SMAP1: variants seen among roughly 807,000 people sequenced by gnomAD.
SMAP1 encodes the protein small ArfGAP 1, also known as stromal membrane-associated protein 1.
In SMAP1, 24 loss-of-function variants were observed where a neutral mutation model predicts 58.5. The observed-to-expected ratio is 0.41, with a 90% CI of 0.30 to 0.58. The LOEUF is 0.58. Ranked by LOEUF, SMAP1 falls within the 20% of genes least tolerant of loss-of-function variation. SMAP1 has a pLI of 0.29. For synonymous variants in SMAP1, 216 were observed against 196.6 expected (o/e 1.10, Z -0.82); for missense variants, 563 against 566.3 (o/e 0.99, Z 0.06).
At chr6:70,726,850 A>G (rs1768807598) in intron 1 of SMAP1, among the ~76,000 whole-genome samples, 1 of 150,518 alleles carries the variant, frequency 6.6e-6, no homozygotes, top group African/African-American at 2.4e-5. Flanking sequence ...GTTAGTAGTC[A>G]TGTAATATTA....
chr6:70,752,468 G>C (rs1766319402), intron 2 of SMAP1, among the ~76,000 whole-genome samples: 1 of 152,150 alleles, frequency 6.6e-6, no homozygotes, highest in African/African-American at 2.4e-5. Flanking sequence ...CCTGTCTCAT[G>C]GTTGTTTTGA....
chr6:70,788,373 C>T (rs545718858), intron 4 of SMAP1, among the ~76,000 whole-genome samples: 22 of 151,238 alleles, frequency 1.5e-4, no homozygotes, highest in African/African-American at 5.3e-4. Flanking sequence ...ATGGGTGCAG[C>T]ACACCAACAT....
chr6:70,803,658 T>C (rs1003631819), intron 6 of SMAP1, among the ~76,000 whole-genome samples: 1 of 152,254 alleles, frequency 6.6e-6, no homozygotes, highest in African/African-American at 2.4e-5. Context: ...CTCTACACAC[T>C]GCTTTAAATG....
intron 1 of SMAP1, among the ~76,000 whole-genome samples, chr6:70,674,164 G>C (rs759145321): frequency 6.6e-6 from 1 of 150,828 alleles, no homozygotes; most frequent in South Asian, 2.1e-4. Context: ...CTCTGTCGCT[G>C]GGCTGGAGTG....
chr6:70,707,502 A>G (rs550427495), intron 1 of SMAP1, among the ~76,000 whole-genome samples: 1 of 152,340 alleles, frequency 6.6e-6, no homozygotes, highest in East Asian at 1.9e-4. Flanking sequence ...AGAAAACTAA[A>G]CACATATTTT....
intron 1 of SMAP1, among the ~76,000 whole-genome samples, chr6:70,725,496 A>G (rs1327515612): frequency 6.6e-6 from 1 of 152,002 alleles, no homozygotes; most frequent in African/African-American, 2.4e-5. Flanking sequence ...GTGAAGGGCT[A>G]GTCAGTGCTC....
At chr6:70,692,928 T>C (rs1279682059) in intron 1 of SMAP1, among the ~76,000 whole-genome samples, 1 of 151,984 alleles carries the variant, frequency 6.6e-6, no homozygotes, top group Non-Finnish European at 1.5e-5. Flanking sequence ...GGACTACAGG[T>C]GCCCACTACC....
intron 6 of SMAP1, among the ~76,000 whole-genome samples, chr6:70,821,351 T>A (rs2149981862): frequency 6.6e-6 from 1 of 152,288 alleles, no homozygotes; most frequent in East Asian, 1.9e-4. Flanking sequence ...TTTTTTTTAT[T>A]CTGCTGTTAG....
chr6:70,843,754 AGCTTC>A (rs1562198693), intron 7 of SMAP1, among the ~76,000 whole-genome samples: 1 of 152,216 alleles, frequency 6.6e-6, no homozygotes, highest in Non-Finnish European at 1.5e-5. Flanking sequence ...GCCCTCTAGC[AGCTTC>A]GTCTGGGAAA....
At chr6:70,817,883 A>G (rs1769708265) in intron 6 of SMAP1, among the ~76,000 whole-genome samples, 1 of 152,176 alleles carries the variant, frequency 6.6e-6, no homozygotes, top group Admixed American at 6.5e-5. Context: ...TTTGAAACAA[A>G]AGCAAATCAA....
At chr6:70,858,291 T>TC in intron 10 of SMAP1, 62 bp downstream of exon 10, 1 of 758,826 alleles carries the variant, frequency 1.3e-6, no homozygotes, top group East Asian at 3.8e-5. Flanking sequence ...CTAAATCTTT[T>TC]TTTTTTTTTT....
intron 3 of SMAP1, among the ~76,000 whole-genome samples, chr6:70,759,599 A>G (rs766492962): frequency 9.9e-5 from 15 of 152,070 alleles, no homozygotes; most frequent in Admixed American, 6.6e-4. Flanking sequence ...GAACTATTCT[A>G]TGCACCATTT....
intron 1 of SMAP1, among the ~76,000 whole-genome samples, chr6:70,692,225 G>A (rs902295357): frequency 6.6e-6 from 1 of 152,136 alleles, no homozygotes; most frequent in African/African-American, 2.4e-5. Context: ...TTTGCCATTT[G>A]TATGTCTTCT....
chr6:70,697,900 A>G (rs529821757), intron 1 of SMAP1, among the ~76,000 whole-genome samples: 8 of 152,280 alleles, frequency 5.3e-5, no homozygotes, highest in Admixed American at 2.6e-4. Flanking sequence ...TGATGGGTTC[A>G]TCTCTTGGCC....
At chr6:70,843,471 A>T (rs558150170) in intron 7 of SMAP1, among the ~76,000 whole-genome samples, 2 of 152,322 alleles carry the variant, frequency 1.3e-5, no homozygotes, top group Non-Finnish European at 2.9e-5. Context: ...TTTCGCTTTT[A>T]TAGAAGAGAA....
intron 3 of SMAP1, among the ~76,000 whole-genome samples, chr6:70,759,157 T>A (rs959068973): frequency 4.6e-5 from 7 of 152,130 alleles, no homozygotes; most frequent in Admixed American, 3.9e-4. Flanking sequence ...GGAAAGCCTG[T>A]GGCTGAATCC....
intron 2 of SMAP1, among the ~76,000 whole-genome samples, chr6:70,733,262 A>G (rs975449418): frequency 1.3e-5 from 2 of 152,200 alleles, no homozygotes; most frequent in African/African-American, 2.4e-5. Context: ...TCTTAACCCA[A>G]TAGTTTACAT....
rs528848907 is a variant in SMAP1, at chr6:70,680,452, T to C, written c.118+12311T>C. Among the ~76,000 whole-genome samples, 5 of 152,294 alleles carry C rather than the reference T, an allele frequency of 3.3e-5. No homozygotes were observed. The South Asian group carries it at 1.0e-3, about 32-fold the overall frequency. On this transcript the variant is annotated intron_variant, in intron 1 of 10. Transcript: ENST00000370455. The stretch of plus-strand genomic sequence containing the variant: ...TTATTCAGAATATCTAAAGAAATAA[T>C]GCAACTTAATAATAAGACAAAGTAA...
Position 70,798,675 on chromosome 6 carries a change from A to C in SMAP1, c.514A>C (p.Lys172Gln). Residue 172 changes from lysine to glutamine, a missense_variant, in exon 6 of 11, where the codon AAG becomes CAG. Coordinates refer to ENST00000370455, the MANE Select transcript of SMAP1 (RefSeq NM_001044305.3). Reference protein sequence around the residue: ...NKLEKEKEKKKEEKKREKEPE... With the variant: ...NKLEKEKEKKQEEKKREKEPE... Reference sequence around the variant, plus strand: ...GTTTTAGAAAGAAAAGGAAAAAAAAAAGGAAGAGAAAAAGAGAGAAAAGGA... The same window carrying C: ...GTTTTAGAAAGAAAAGGAAAAAAAACAGGAAGAGAAAAAGAGAGAAAAGGA... 6.5e-7 allele frequency: 1 copy of C among 1,541,420 alleles called. No individual in the cohort carries two copies. The highest frequency in any genetic ancestry group is 8.7e-7 in the Non-Finnish European group (1 of 1,145,808).
Sources: gnomAD v4.1 joint callset for allele counts (sites outside exome capture counted in the v4.1 genomes callset) on GRCh38, gnomAD v4.1.1 for gene constraint, MANE v1.5 for transcripts, NCBI Gene and HGNC (gene_info 2026-07-23, HGNC 2026-07-21) for gene names.